Variants in PKIB observed in about 807,000 individuals in gnomAD.
The protein encoded by PKIB is PKI-beta.
A neutral mutation model predicts 4.5 loss-of-function variants in PKIB; 2 were observed. The ratio of observed to expected loss-of-function variants is 0.44; its 90% confidence interval spans 0.18 to 1.39. The LOEUF (loss-of-function observed/expected upper bound fraction) is 1.39, where lower values mean the gene tolerates loss of function less well. Among genes scored for constraint, PKIB ranks in the 40% most tolerant of loss-of-function variants. PKIB has a pLI of 0.27. For missense variants in PKIB, 94 were observed against 92.6 expected (o/e 1.02, Z -0.06); for synonymous variants, 38 against 36.0 (o/e 1.06, Z -0.20).
chr6:122,479,567 G>A (rs1447033964), intron 2 of PKIB: 3 of 152,174 alleles, frequency 2.0e-5, no homozygotes, highest in Non-Finnish European at 4.4e-5. Context: ...TTAGACATCA[G>A]AAGTCTCATT....
At chr6:122,691,739 T>TC (rs1472121925) in intron 3 of PKIB, among the ~76,000 whole-genome samples, 1 of 152,116 alleles carries the variant, frequency 6.6e-6, no homozygotes, top group Non-Finnish European at 1.5e-5. Context: ...TCCTGAATGT[T>TC]TTTGATGCTT....
intron 2 of PKIB, among the ~76,000 whole-genome samples, chr6:122,554,168 G>A (rs961967229): frequency 1.0e-3 from 155 of 152,230 alleles, no homozygotes; most frequent in African/African-American, 3.5e-3. Flanking sequence ...TTATACACAA[G>A]GACTACTAGA....
intron 3 of PKIB, among the ~76,000 whole-genome samples, chr6:122,591,690 A>G (rs1362118361): frequency 6.6e-6 from 1 of 151,980 alleles, no homozygotes; most frequent in African/African-American, 2.4e-5. Flanking sequence ...GATCATTTAT[A>G]TGTGGTTTGT....
intron 3 of PKIB, among the ~76,000 whole-genome samples, chr6:122,708,258 C>T (rs1779139191): frequency 6.6e-6 from 1 of 152,142 alleles, no homozygotes; most frequent in African/African-American, 2.4e-5. Context: ...AAGCAAGCCC[C>T]ACTGAGAAAG....
At chr6:122,588,744 A>G (rs1001016047) in intron 3 of PKIB, among the ~76,000 whole-genome samples, 2 of 152,184 alleles carry the variant, frequency 1.3e-5, no homozygotes, top group African/African-American at 4.8e-5. Flanking sequence ...TATGCCTTGT[A>G]TATTCTTGTT....
chr6:122,632,571 A>G (rs1197437436), intron 1 of PKIB, among the ~76,000 whole-genome samples: 1 of 152,192 alleles, frequency 6.6e-6, no homozygotes, highest in Non-Finnish European at 1.5e-5. Context: ...GGACTTTTTT[A>G]CATATAAATA....
intron 3 of PKIB, among the ~76,000 whole-genome samples, chr6:122,689,275 T>C (rs902366518): frequency 1.3e-5 from 2 of 152,230 alleles, no homozygotes; most frequent in African/African-American, 2.4e-5. Flanking sequence ...ACTTCTGCTC[T>C]GATGTTTATT....
At chr6:122,486,897 A>G (rs924071230) in intron 2 of PKIB, among the ~76,000 whole-genome samples, 2 of 152,114 alleles carry the variant, frequency 1.3e-5, no homozygotes, top group African/African-American at 2.4e-5. Flanking sequence ...CTTTATCCCA[A>G]TTCCCCAAAT....
intron 2 of PKIB, among the ~76,000 whole-genome samples, chr6:122,498,675 A>G (rs939698511): frequency 3.3e-5 from 5 of 152,236 alleles, no homozygotes; most frequent in Non-Finnish European, 7.3e-5. Context: ...AAAAACAAGA[A>G]CAAACTACAA....
At position 122,663,273 on chromosome 6, in the gene PKIB, C is replaced by T. The variant is rs1777081412; in HGVS notation, c.-75-11805C>T. Reference sequence around the variant, plus strand: ...TTTTGCTTATCTTAGGAATTGGCTACACATTTAGGGATGCTCTAATTTAAA... The same window carrying T: ...TTTTGCTTATCTTAGGAATTGGCTATACATTTAGGGATGCTCTAATTTAAA... On this transcript the variant is annotated intron_variant, in intron 2 of 4. Transcript: ENST00000368452. 2.0e-5 allele frequency among the ~76,000 whole-genome samples: 3 copies of T among 152,148 alleles called. No individual in the cohort carries two copies. In the South Asian group the frequency reaches 6.2e-4, roughly 32 times the overall value.
chr6:122,549,913 T>C (rs992005982), intron 2 of PKIB, among the ~76,000 whole-genome samples: 1 of 150,616 alleles, frequency 6.6e-6, no homozygotes, highest in Non-Finnish European at 1.5e-5. Context: ...CACACACATA[T>C]ATATATATAC....
At chr6:122,533,552 TCACA>T (rs1346067580) in intron 2 of PKIB, among the ~76,000 whole-genome samples, 1 of 152,238 alleles carries the variant, frequency 6.6e-6, no homozygotes, top group African/African-American at 2.4e-5. Context: ...CTCTATTGTC[TCACA>T]CTATAATGCA....
intron 3 of PKIB, among the ~76,000 whole-genome samples, chr6:122,685,224 A>G (rs1363570034): frequency 6.6e-6 from 1 of 152,190 alleles, no homozygotes; most frequent in African/African-American, 2.4e-5. Flanking sequence ...CAGTTTTAAA[A>G]AGACTAAAAA....
At chr6:122,513,693 A>G (rs1480239603) in intron 2 of PKIB, among the ~76,000 whole-genome samples, 7 of 152,060 alleles carry the variant, frequency 4.6e-5, no homozygotes, top group African/African-American at 7.2e-5. Context: ...CGTGGGCTCA[A>G]TGTTTAGCTT....
intron 2 of PKIB, chr6:122,585,574 C>G (rs1773826277): frequency 6.6e-6 from 1 of 152,046 alleles, no homozygotes. Flanking sequence ...TTATAGTTTT[C>G]TTTTTGGTCT....
rs111738212 is a variant in PKIB, at chr6:122,630,169, A to G, written c.-160-3114A>G. Among the ~76,000 whole-genome samples the G allele has an allele frequency of 1.2e-3, 188 of 152,258 alleles. 1 individual carries two copies. The highest frequency in any genetic ancestry group is 4.4e-3 in the African/African-American group (183 of 41,564). ...TATTATCATAGGACCTAGCAATTCC[A>G]CTTCTGTGTATATATCCAGAAGATT... On this transcript the variant is annotated intron_variant, in intron 1 of 4. Coordinates refer to ENST00000368452, the MANE Select transcript of PKIB (RefSeq NM_181795.3).
At chr6:122,701,562 A>ACTGTTATGCCATCTCTT in intron 3 of PKIB, 1 of 1,556,196 alleles carries the variant, frequency 6.4e-7, no homozygotes, top group Non-Finnish European at 8.7e-7. Context: ...AAGAGATGGC[A>ACTGTTATGCCATCTCTT]TAACAGTGCC....
At chr6:122,555,545 A>G (rs1772811166) in intron 2 of PKIB, among the ~76,000 whole-genome samples, 1 of 152,248 alleles carries the variant, frequency 6.6e-6, no homozygotes, top group South Asian at 2.1e-4. Context: ...ACAAAGTGCT[A>G]AAATCAAGGA....
chr6:122,522,491 G>A (rs988559088), intron 2 of PKIB, among the ~76,000 whole-genome samples: 1 of 152,206 alleles, frequency 6.6e-6, no homozygotes, highest in Non-Finnish European at 1.5e-5. Flanking sequence ...AGCTAGCTCA[G>A]TGTCTCAGTG....
Sources: gnomAD v4.1 joint callset for allele counts (sites outside exome capture counted in the v4.1 genomes callset) on GRCh38, gnomAD v4.1.1 for gene constraint, MANE v1.5 for transcripts, NCBI Gene and HGNC (gene_info 2026-07-23, HGNC 2026-07-21) for gene names.